Variants in PGAP6 observed in about 807,000 individuals in gnomAD.
PGAP6 encodes post-GPI attachment to proteins 6.
PGAP6 carries 62 observed loss-of-function variants against 68.4 expected under a neutral mutation model. The observed-to-expected ratio is 0.91, with a 90% CI of 0.74 to 1.12. PGAP6 has a LOEUF of 1.12. PGAP6 is among the 50% of genes most tolerant of loss of function. The pLI is 0.00. For missense variants in PGAP6, 1,188 were observed against 1,068.5 expected, an observed-to-expected ratio of 1.11 and a Z score of -1.56; for synonymous variants, 575 against 474.0, an observed-to-expected ratio of 1.21 and a Z score of -2.77.
upstream of PGAP6, among the ~76,000 whole-genome samples, chr16:383,798 G>T (rs2054464211): frequency 6.6e-6 from 1 of 152,170 alleles, no homozygotes; most frequent in African/African-American, 2.4e-5. Flanking sequence ...ATGGCCGCAG[G>T]GACCATACCT....
At chr16:377,335 C>T (rs371691847) in intron 3 of PGAP6, 43 bp downstream of exon 3, 16 of 1,553,048 alleles carry the variant, frequency 1.0e-5, no homozygotes, top group Admixed American at 1.9e-5. Flanking sequence ...AGGCCATCGC[C>T]GCAAGGTTCT....
upstream of PGAP6, among the ~76,000 whole-genome samples, chr16:386,439 C>A (rs577943654): frequency 2.0e-5 from 3 of 152,118 alleles, no homozygotes; most frequent in Admixed American, 6.5e-5. Flanking sequence ...CTTCCCACTC[C>A]GCCCCGAGTT....
chr16:372,940 G>A (rs555031875), intron 11 of PGAP6, among the ~76,000 whole-genome samples: 23 of 152,294 alleles, frequency 1.5e-4, no homozygotes, highest in African/African-American at 5.3e-4. Flanking sequence ...GGTGAATGTG[G>A]CCAGGCAGGC....
intron 9 of PGAP6, 116 bp downstream of exon 9, chr16:374,640 G>A (rs1370579931): frequency 7.1e-7 from 1 of 1,415,848 alleles, no homozygotes; most frequent in African/African-American, 1.4e-5. Context: ...CCCCTGCATT[G>A]CTCTGCAAGG....
Position 374,363 on chromosome 16 carries a change from G to C in PGAP6, c.1613C>G (p.Ala538Gly). The C allele has an allele frequency of 6.3e-7, 1 of 1,597,838 alleles. No individual in the cohort carries two copies. Among genetic ancestry groups the C allele is most frequent in the Non-Finnish European group, 8.5e-7 (1 of 1,177,148 alleles). ...CGCCCTCTGCTGGGCCACCGTCTGGGCTGTGCTGTTGTCCGTGCAGCTCCA... is the reference window on the plus strand; with the variant it reads ...CGCCCTCTGCTGGGCCACCGTCTGGCCTGTGCTGTTGTCCGTGCAGCTCCA... ...RGWSCTDNST[A>G]QTVAQQRAAT... Residue 538 changes from alanine (A) to glycine (G), a missense_variant, in exon 10 of 13, where the codon GCC (alanine) becomes GGC (glycine). Physicochemically the swap from Ala to Gly is moderately conservative, Grantham distance 60 (BLOSUM62 0). Coordinates refer to ENST00000431232, the MANE Select transcript of PGAP6 (RefSeq NM_021259.3).
In PGAP6 at chr16:372,138, TG is replaced by T. The variant is rs777254774; in HGVS notation, c.2164del (p.His722ThrfsTer49). 6.2e-7 allele frequency: 1 copy of T among 1,612,628 alleles called. No individual in the cohort carries two copies. Among genetic ancestry groups the T allele is most frequent in the East Asian group, 2.2e-5 (1 of 44,846 alleles). On this transcript the variant is annotated frameshift_variant, in exon 13 of 13. Transcript: ENST00000431232. LOFTEE classifies it low-confidence loss of function (END_TRUNC). ...GGCCAGCAGGATGTGCCAGATGCTGTGGGTGTAGTAGTAGTTGTCGCTAGTC... is the reference window on the plus strand; with the variant it reads ...GGCCAGCAGGATGTGCCAGATGCTGTGGTGTAGTAGTAGTTGTCGCTAGTC... Reference protein sequence around the residue: ...MMTSDNYYYTHSIWHILLAGS... With the variant: ...MMTSDNYYYTXSIWHILLAGS...
chr16:375,403 G>T lies in PGAP6; in HGVS notation c.1257C>A (p.Ala419=). Residue 419 remains alanine (A), a synonymous_variant, in exon 7 of 13, where the codon GCC becomes GCA. Transcript: ENST00000431232. ...TEMRNETVVV[A]CVNAASPFLG... The stretch of plus-strand genomic sequence containing the variant: ...GGAAGGGCGAGGCAGCATTCACGCA[G>T]GCCACTACGACGGTCTCGTTCCGCA... 1 of 1,612,884 alleles carries T rather than the reference G, an allele frequency of 6.2e-7. No homozygotes were observed. The highest frequency in any genetic ancestry group is 8.5e-7 in the Non-Finnish European group (1 of 1,179,976).
In PGAP6 at chr16:371,973, T is replaced by G; in HGVS notation, c.*14A>C. ...GAAGAGGTCATCAGAGCAGCAGCTG[T>G]CCCCAGGCCAGTGTCACGTCACTGC... On this transcript the variant is annotated 3_prime_UTR_variant, in exon 13 of 13. Transcript: ENST00000431232. 6.2e-7 allele frequency: 1 copy of G among 1,606,082 alleles called. No homozygotes were observed. The highest frequency in any genetic ancestry group is 2.2e-5 in the East Asian group (1 of 44,792).
upstream of PGAP6, chr16:384,300 G>A (rs2054467579): frequency 6.6e-6 from 1 of 152,286 alleles, no homozygotes; most frequent in African/African-American, 2.4e-5. Context: ...CAGTGCTCCA[G>A]CTGAGGGCTG....
chr16:376,036 T>A (rs2054379119), intron 6 of PGAP6, 100 bp downstream of exon 6: 3 of 1,237,566 alleles, frequency 2.4e-6, no homozygotes, highest in Non-Finnish European at 3.3e-6. Context: ...GGTGTCACTG[T>A]GCCGCCTGTC....
chr16:386,559 C>A, upstream of PGAP6: 2 of 328,800 alleles, frequency 6.1e-6, no homozygotes, highest in Non-Finnish European at 1.2e-5. Context: ...ATGAACCACA[C>A]CACAGGTGCC....
chr16:380,298 C>T (rs2054425890), intron 1 of PGAP6, among the ~76,000 whole-genome samples: 1 of 152,196 alleles, frequency 6.6e-6, no homozygotes, highest in South Asian at 2.1e-4. Context: ...TCACCGCAGC[C>T]TCAGCTTCCT....
chr16:384,862 A>G (rs1349396919), upstream of PGAP6, among the ~76,000 whole-genome samples: 1 of 150,968 alleles, frequency 6.6e-6, no homozygotes, highest in Non-Finnish European at 1.5e-5. Context: ...TCTCAAAAAA[A>G]AAAAAAAAGT....
intron 1 of PGAP6, among the ~76,000 whole-genome samples, chr16:379,326 C>T (rs1399228937): frequency 6.6e-6 from 1 of 152,232 alleles, no homozygotes; most frequent in Non-Finnish European, 1.5e-5. Context: ...AGAAACGATA[C>T]ACCTGCCAAT....
rs1359909523 is a variant in PGAP6 at position 381,900 on chromosome 16, G to A, written c.-79C>T. On this transcript the variant is annotated 5_prime_UTR_variant, in exon 1 of 13. Coordinates refer to ENST00000431232, the MANE Select transcript of PGAP6 (RefSeq NM_021259.3). ...CGCCGCCGCCCGGGCAGCCTCTGCCGCCTCCGCCTCTGCCGCCTCCGCCTC... is the reference window on the plus strand; with the variant it reads ...CGCCGCCGCCCGGGCAGCCTCTGCCACCTCCGCCTCTGCCGCCTCCGCCTC... 1.4e-4 allele frequency: 25 copies of A among 183,292 alleles called. No individual in the cohort carries two copies. The highest frequency in any genetic ancestry group is 2.7e-4 in the Admixed American group (1 of 3,756). 11.4% of individuals were successfully genotyped at this position (183,292 alleles called of 1,614,324 possible).
Position 374,779 on chromosome 16 carries a change from T to C in PGAP6, c.1553A>G (p.Tyr518Cys). ...CLLLRRHSYL[Y>C]ASCSCKAGWR... The stretch of plus-strand genomic sequence containing the variant: ...ACCTGCCTTGCAGCTGCAGCTGGCA[T>C]ACAGGTAGCTGTGTCTGCGGAGCAG... The change falls in exon 9 of 13, where the codon TAT becomes TGT. Residue 518 changes from tyrosine to cysteine, a missense_variant. Coordinates refer to ENST00000431232, the MANE Select transcript of PGAP6 (RefSeq NM_021259.3). 1 of 1,612,720 alleles carries C rather than the reference T, an allele frequency of 6.2e-7. No individual in the cohort carries two copies.
rs776436259 is a variant in PGAP6 at position 376,266 on chromosome 16, G to A, written c.1094C>T (p.Ser365Leu). Residue 365 changes from serine to leucine, a missense_variant, in exon 6 of 13, where the codon TCG (serine) becomes TTG (leucine). Ser to Leu is a moderately radical substitution (Grantham distance 145). Coordinates refer to ENST00000431232, the MANE Select transcript of PGAP6 (RefSeq NM_021259.3). ...CCTGTCCAGGGGCTGGAAGTGCACC[G>A]ACACCACGTCCATGTCCTCCCGCGT... ...PVTREDMDVV[S>L]VHFQPLDRVS... 94 of 1,612,674 alleles carry A rather than the reference G, an allele frequency of 5.8e-5. No homozygotes were observed. The highest frequency in any genetic ancestry group is 7.0e-5 in the Non-Finnish European group (83 of 1,180,008).
chr16:376,964 C>G, intron 4 of PGAP6, 73 bp downstream of exon 4: 2 of 1,589,782 alleles, frequency 1.3e-6, no homozygotes, highest in Non-Finnish European at 1.7e-6. Flanking sequence ...GGGCCAGGCT[C>G]TCGCACCCAC....
upstream of PGAP6, among the ~76,000 whole-genome samples, chr16:385,988 A>G (rs1368319651): frequency 6.6e-6 from 1 of 152,172 alleles, no homozygotes; most frequent in African/African-American, 2.4e-5. Context: ...GAATGTCAGT[A>G]AAGTGAAAAA....
Sources: gnomAD v4.1 joint callset for allele counts (sites outside exome capture counted in the v4.1 genomes callset) on GRCh38, gnomAD v4.1.1 for gene constraint, MANE v1.5 for transcripts, NCBI Gene and HGNC (gene_info 2026-07-23, HGNC 2026-07-21) for gene names.